The following NOX4 variants were observed in gnomAD, a reference collection of about 807,000 sequenced individuals.
NOX4 encodes kidney oxidase-1.
In NOX4, 69 loss-of-function variants were observed where a neutral mutation model predicts 87.6. The ratio of observed to expected loss-of-function variants is 0.79; its 90% CI spans 0.65 to 0.96. NOX4 has a LOEUF of 0.96. Ranked by LOEUF, NOX4 falls within the 40% of genes least tolerant of loss-of-function variation. The pLI, the probability that NOX4 is intolerant of heterozygous loss-of-function variation, is 0.00. For missense variants in NOX4, 680 were observed against 681.5 expected (o/e 1.00, Z 0.02); for synonymous variants, 275 against 238.2 (o/e 1.15, Z -1.42).
At chr11:89,485,090 T>G (rs1392253944) in intron 2 of NOX4, among the ~76,000 whole-genome samples, 1 of 152,174 alleles carries the variant, frequency 6.6e-6, no homozygotes, top group East Asian at 1.9e-4. Flanking sequence ...ATCAGATTTC[T>G]GTCTCTGTAA....
the NOX4 span, among the ~76,000 whole-genome samples, chr11:89,569,782 T>TCACAA: frequency 1.3e-5 from 2 of 151,780 alleles, no homozygotes; most frequent in Admixed American, 1.3e-4. Context: ...GGCGGGCGGA[T>TCACAA]CACAAGGTCA....
chr11:89,518,757 T>C, the NOX4 span, among the ~76,000 whole-genome samples: 1 of 152,106 alleles, frequency 6.6e-6, no homozygotes, highest in Non-Finnish European at 1.5e-5. Flanking sequence ...GGTTGGTCCT[T>C]AATGAACCAT....
chr11:89,348,920 A>G, intron 13 of NOX4, among the ~76,000 whole-genome samples: 1 of 152,208 alleles, frequency 6.6e-6, no homozygotes, highest in East Asian at 1.9e-4. Flanking sequence ...GAGGAATAGT[A>G]AGAATTAAAT....
chr11:89,432,175 G>A (rs1943829414), intron 7 of NOX4, among the ~76,000 whole-genome samples: 1 of 151,906 alleles, frequency 6.6e-6, no homozygotes, highest in South Asian at 2.1e-4. Context: ...CACAGGAAGG[G>A]GAACATCACA....
At chr11:89,358,109 G>T (rs1487470271) in intron 12 of NOX4, among the ~76,000 whole-genome samples, 1 of 152,048 alleles carries the variant, frequency 6.6e-6, no homozygotes, top group Non-Finnish European at 1.5e-5. Context: ...CATAGGCAGG[G>T]CATGGTGGCT....
intron 2 of NOX4, among the ~76,000 whole-genome samples, chr11:89,484,002 A>G (rs1946492271): frequency 6.6e-6 from 1 of 152,100 alleles, no homozygotes; most frequent in African/African-American, 2.4e-5. Context: ...TCAGCTACAA[A>G]ACAAAAACTT....
chr11:89,423,172 T>G (rs1182996424), intron 7 of NOX4, among the ~76,000 whole-genome samples: 1 of 152,164 alleles, frequency 6.6e-6, no homozygotes. Context: ...TTAATGCTTT[T>G]AATACACGCT....
chr11:89,389,611 A>G (rs1302700348), intron 11 of NOX4, among the ~76,000 whole-genome samples: 3 of 152,128 alleles, frequency 2.0e-5, no homozygotes, highest in African/African-American at 7.2e-5. Flanking sequence ...ACTATAGAAA[A>G]CACATATTTG....
At chr11:89,498,348 A>G (rs1406507347), upstream of NOX4, among the ~76,000 whole-genome samples, 8 of 152,238 alleles carry the variant, frequency 5.3e-5, no homozygotes. Flanking sequence ...TAAAAATTAT[A>G]TAAACATCAT....
intron 7 of NOX4, among the ~76,000 whole-genome samples, chr11:89,430,175 A>C (rs1943700889): frequency 6.6e-6 from 1 of 152,200 alleles, no homozygotes; most frequent in South Asian, 2.1e-4. Flanking sequence ...AAAAACTCTC[A>C]ATAAATTAGG....
the NOX4 span, among the ~76,000 whole-genome samples, chr11:89,543,126 A>G: frequency 3.3e-5 from 5 of 152,208 alleles, no homozygotes; most frequent in Admixed American, 6.5e-5. Context: ...GGTGACGGCT[A>G]CACTAAAAAC....
chr11:89,390,408 C>A (rs1941044456), intron 11 of NOX4, among the ~76,000 whole-genome samples: 1 of 152,150 alleles, frequency 6.6e-6, no homozygotes, highest in Non-Finnish European at 1.5e-5. Flanking sequence ...AAAATAATTT[C>A]TTTGCCTTAA....
intron 4 of NOX4, among the ~76,000 whole-genome samples, chr11:89,447,003 C>A (rs1025873664): frequency 6.6e-6 from 1 of 152,078 alleles, no homozygotes; most frequent in Non-Finnish European, 1.5e-5. Context: ...CTCTCTATAT[C>A]TTCCTCTCAA....
the NOX4 span, among the ~76,000 whole-genome samples, chr11:89,587,926 G>A: frequency 6.6e-6 from 1 of 152,172 alleles, no homozygotes; most frequent in Non-Finnish European, 1.5e-5. Flanking sequence ...ACAATAATCA[G>A]TAACTTTATG....
intron 7 of NOX4, among the ~76,000 whole-genome samples, chr11:89,430,153 AC>A (rs1943699756): frequency 6.6e-6 from 1 of 152,098 alleles, no homozygotes; most frequent in South Asian, 2.1e-4. Flanking sequence ...AAATTCAACA[AC>A]CCTTCATGCT....
At chr11:89,459,089 T>C (rs996835141) in intron 2 of NOX4, among the ~76,000 whole-genome samples, 8 of 151,726 alleles carry the variant, frequency 5.3e-5, no homozygotes, top group African/African-American at 1.9e-4. Flanking sequence ...AAAAAGAAAA[T>C]ATGGTGTATA....
chr11:89,330,650 G>C (rs1945431524), intron 17 of NOX4, among the ~76,000 whole-genome samples: 1 of 148,632 alleles, frequency 6.7e-6, no homozygotes, highest in Non-Finnish European at 1.5e-5. Flanking sequence ...AAAATACAGA[G>C]GCATGGCTAA....
intron 13 of NOX4, among the ~76,000 whole-genome samples, chr11:89,346,897 T>G (rs185703664): frequency 4.5e-4 from 68 of 152,260 alleles, no homozygotes; most frequent in Non-Finnish European, 7.9e-4. Flanking sequence ...GGGGTTGGGA[T>G]CCACTACCTG....
chr11:89,432,580 T>C (rs376925572), intron 7 of NOX4, among the ~76,000 whole-genome samples: 189 of 152,216 alleles, frequency 1.2e-3, no homozygotes, highest in South Asian at 9.1e-3. Flanking sequence ...CCATACACAA[T>C]TTCTTACCAA....
Sources: gnomAD v4.1 joint callset for allele counts (sites outside exome capture counted in the v4.1 genomes callset) on GRCh38, gnomAD v4.1.1 for gene constraint, MANE v1.5 for transcripts, NCBI Gene and HGNC (gene_info 2026-07-23, HGNC 2026-07-21) for gene names.